The following MMP16 variants were observed in gnomAD, a reference collection of about 807,000 sequenced individuals.
MMP16 encodes matrix metallopeptidase 16, also known as matrix metalloproteinase-16.
Under a neutral mutation model 67.8 loss-of-function variants are expected in MMP16, and 12 were observed. That is an observed-to-expected ratio of 0.18 (90% CI 0.11 to 0.29). MMP16 has a LOEUF of 0.29. Ranked by LOEUF, MMP16 falls within the 10% of genes least tolerant of loss-of-function variation. The probability of loss-of-function intolerance (pLI) is 1.00; values close to 1 mark genes in which losing one functional copy is unlikely to be tolerated. For missense variants in MMP16, 475 were observed against 765.7 expected (o/e 0.62, Z 4.48); for synonymous variants, 249 against 255.9 (o/e 0.97, Z 0.26).
intron 1 of MMP16, among the ~76,000 whole-genome samples, chr8:88,198,967 T>C (rs4961080): frequency 0.13 from 20,022 of 152,054 alleles, 2,346 homozygotes; most frequent in East Asian, 0.5. Flanking sequence ...GCAATATTAT[T>C]TAATATGAAA....
At chr8:88,213,630 C>T (rs1436482910) in intron 1 of MMP16, among the ~76,000 whole-genome samples, 1 of 152,164 alleles carries the variant, frequency 6.6e-6, no homozygotes, top group Non-Finnish European at 1.5e-5. Flanking sequence ...AGTCATAAGA[C>T]TGATTTACAA....
chr8:88,274,785 A>G (rs960682333), intron 1 of MMP16, among the ~76,000 whole-genome samples: 1 of 152,044 alleles, frequency 6.6e-6, no homozygotes, highest in Non-Finnish European at 1.5e-5. Context: ...TTATAAAATA[A>G]TATCAAAAAA....
chr8:88,308,852 C>T (rs1337848768), intron 1 of MMP16, among the ~76,000 whole-genome samples: 3 of 151,618 alleles, frequency 2.0e-5, no homozygotes, highest in Non-Finnish European at 2.9e-5. Context: ...ATATACAGAG[C>T]TCATATAATC....
At chr8:88,200,380 T>C (rs1006990198) in intron 1 of MMP16, among the ~76,000 whole-genome samples, 1 of 152,060 alleles carries the variant, frequency 6.6e-6, no homozygotes, top group Non-Finnish European at 1.5e-5. Flanking sequence ...GACTCTTTAC[T>C]ATCTGGGACT....
intron 6 of MMP16, among the ~76,000 whole-genome samples, chr8:88,103,238 T>C (rs1395677866): frequency 6.6e-6 from 1 of 151,810 alleles, no homozygotes; most frequent in Non-Finnish European, 1.5e-5. Context: ...TCCTCCTAAG[T>C]GCTCCCACTG....
rs1808083234 is a variant in MMP16, at chr8:88,038,399, TTAATG to T, written c.*3057_*3061del. 1 of 152,512 alleles carries T rather than the reference TTAATG, an allele frequency of 6.6e-6. No homozygotes were observed. The allele number at this position is 152,512 out of a possible 1,614,324, so 9.4% of individuals were successfully genotyped here. ...AGCATAATGATAGACTCCTTCCTTC[TTAATG>T]CTATGATTATTTTCTAGCCCTTATA... On this transcript the variant is annotated 3_prime_UTR_variant, in exon 10 of 10. Coordinates refer to ENST00000286614, the MANE Select transcript of MMP16 (RefSeq NM_005941.5). The surrounding 1 kb of genome is among the most constrained non-coding windows in gnomAD (Gnocchi z 4.1).
At chr8:88,109,854 G>T (rs1809304225) in intron 6 of MMP16, among the ~76,000 whole-genome samples, 1 of 151,104 alleles carries the variant, frequency 6.6e-6, no homozygotes, top group African/African-American at 2.4e-5. Flanking sequence ...GGATAATATT[G>T]CTATGGAGTA....
At chr8:88,187,006 T>C (rs1809086248) in intron 2 of MMP16, among the ~76,000 whole-genome samples, 1 of 152,202 alleles carries the variant, frequency 6.6e-6, no homozygotes, top group Admixed American at 6.5e-5. Context: ...TCAAAGATTA[T>C]TCTAATCTAT....
At chr8:88,075,467 G>A (rs952593012) in intron 6 of MMP16, among the ~76,000 whole-genome samples, 1 of 152,000 alleles carries the variant, frequency 6.6e-6, no homozygotes, top group Non-Finnish European at 1.5e-5. Flanking sequence ...TTTCTATAAA[G>A]TTGTTTAATT....
chr8:88,155,062 T>A (rs1453479216), intron 4 of MMP16, among the ~76,000 whole-genome samples: 2 of 152,084 alleles, frequency 1.3e-5, no homozygotes, highest in Admixed American at 1.3e-4. Flanking sequence ...GAAGGATGAG[T>A]ATGTGAAAAT....
intron 1 of MMP16, among the ~76,000 whole-genome samples, chr8:88,263,280 C>T (rs1810419467): frequency 6.6e-6 from 1 of 152,044 alleles, no homozygotes; most frequent in Non-Finnish European, 1.5e-5. Context: ...CCTTTTTAGA[C>T]ATGCAGCTAT....
chr8:88,307,422 A>G (rs1318532270), intron 1 of MMP16, among the ~76,000 whole-genome samples: 3 of 152,068 alleles, frequency 2.0e-5, no homozygotes, highest in East Asian at 3.9e-4. Context: ...GAAGCAACCA[A>G]TCCATTAAAA....
chr8:88,263,487 G>A (rs1470273378), intron 1 of MMP16, among the ~76,000 whole-genome samples: 1 of 152,166 alleles, frequency 6.6e-6, no homozygotes, highest in Non-Finnish European at 1.5e-5. Context: ...AGACTGGGTG[G>A]CTTAAACAAC....
chr8:88,118,598 T>G (rs571865725), intron 5 of MMP16, 102 bp downstream of exon 5: 2 of 1,072,840 alleles, frequency 1.9e-6, no homozygotes, highest in Admixed American at 4.7e-5. Context: ...TTTTCTGTAG[T>G]CATCTGTGTT....
intron 4 of MMP16, among the ~76,000 whole-genome samples, chr8:88,167,445 T>C (rs2129701518): frequency 6.6e-6 from 1 of 152,298 alleles, no homozygotes; most frequent in Middle Eastern, 3.4e-3. Flanking sequence ...ATAGATACAG[T>C]ATAAGGTTCT....
intron 6 of MMP16, among the ~76,000 whole-genome samples, chr8:88,093,482 T>G (rs1016403193): frequency 2.0e-5 from 3 of 151,748 alleles, no homozygotes; most frequent in Non-Finnish European, 4.4e-5. Flanking sequence ...ACCTAAAGAC[T>G]AGATCTTGAT....
chr8:88,142,807 A>G (rs1808233878), intron 4 of MMP16, among the ~76,000 whole-genome samples: 1 of 151,934 alleles, frequency 6.6e-6, no homozygotes, highest in Admixed American at 6.6e-5. Context: ...TATCTTCCCC[A>G]CCCTACACGT....
intron 1 of MMP16, among the ~76,000 whole-genome samples, chr8:88,209,310 G>A (rs1303004179): frequency 3.3e-5 from 5 of 152,132 alleles, no homozygotes; most frequent in East Asian, 1.9e-4. Flanking sequence ...TGAAGAGGAC[G>A]AAGACCTTTA....
chr8:88,258,109 G>A (rs1050111329), intron 1 of MMP16, among the ~76,000 whole-genome samples: 4 of 150,652 alleles, frequency 2.7e-5, no homozygotes, highest in African/African-American at 7.3e-5. Context: ...GCAGTGGCAC[G>A]ATCTCTGCTC....
Sources: allele counts gnomAD v4.1 joint callset (sites outside exome capture counted in the v4.1 genomes callset), GRCh38; gene constraint gnomAD v4.1.1; non-coding constraint Gnocchi (gnomAD v3.1); transcripts MANE v1.5; gene names NCBI Gene and HGNC (gene_info 2026-07-23, HGNC 2026-07-21).